Variants in TMEM200A observed in about 807,000 individuals in gnomAD.
The protein encoded by TMEM200A is two transmembrane C.
In TMEM200A, 12 loss-of-function variants were observed where a neutral mutation model predicts 24.3. The ratio of observed to expected loss-of-function variants is 0.49; its 90% CI spans 0.32 to 0.80. TMEM200A has a LOEUF of 0.80. Among genes scored for constraint, TMEM200A ranks in the 30% least tolerant of loss-of-function variants. The pLI is 0.04. For missense variants in TMEM200A, 545 were observed against 614.4 expected (o/e 0.89, Z 1.19); for synonymous variants, 224 against 224.4 (o/e 1.00, Z 0.02).
intron 2 of TMEM200A, among the ~76,000 whole-genome samples, chr6:130,431,827 G>T (rs1175316739): frequency 6.6e-6 from 1 of 152,130 alleles, no homozygotes; most frequent in African/African-American, 2.4e-5. Flanking sequence ...CAGAACAGGT[G>T]TAGATTTCTA....
rs568938120 is a variant in TMEM200A, at chr6:130,442,091, C to T, written c.*193C>T. On this transcript the variant is annotated 3_prime_UTR_variant, in exon 3 of 3. Transcript: ENST00000296978. The stretch of plus-strand genomic sequence containing the variant: ...GTGACTGCAGTACTCTATGTTACCA[C>T]ACATGATTTTATTTTTCTCTTCCTT... 2.2e-6 allele frequency: 1 copy of T among 451,730 alleles called. No individual in the cohort carries two copies. The highest frequency in any genetic ancestry group is 4.0e-6 in the Non-Finnish European group (1 of 251,652). 28.0% of individuals were successfully genotyped at this position (451,730 alleles called of 1,614,324 possible).
At position 130,409,307 on chromosome 6, in the gene TMEM200A, GTTAT is replaced by G. The variant is rs563614607; in HGVS notation, c.-17+24076_-17+24079del. Among the ~76,000 whole-genome samples the G allele has an allele frequency of 7.5e-3, 1,146 of 152,122 alleles. 6 individuals carry two copies. The highest frequency in any genetic ancestry group is 0.012 in the South Asian group (58 of 4,804). ...AAATTTCATTATTTATCTTTAAGTG[GTTAT>G]TTATGTTTTACCCTTTGAATGAGCA... On this transcript the variant is annotated intron_variant, in intron 2 of 2. Coordinates refer to ENST00000296978, the MANE Select transcript of TMEM200A (RefSeq NM_001258277.2).
At chr6:130,384,067 C>G (rs1045250638) in intron 1 of TMEM200A, among the ~76,000 whole-genome samples, 3 of 152,104 alleles carry the variant, frequency 2.0e-5, no homozygotes, top group African/African-American at 7.2e-5. Context: ...TTGCAGTAAG[C>G]TGAGATGCCA....
intron 2 of TMEM200A, among the ~76,000 whole-genome samples, chr6:130,409,839 AG>A (rs1034239973): frequency 6.8e-6 from 1 of 146,352 alleles, no homozygotes; most frequent in Non-Finnish European, 1.5e-5. Context: ...TCTGTCTCTC[AG>A]TTTTTTTTTT....
chr6:130,380,907 A>C (rs527292502), intron 1 of TMEM200A, among the ~76,000 whole-genome samples: 119 of 152,280 alleles, frequency 7.8e-4, no homozygotes, highest in African/African-American at 2.8e-3. Context: ...GGAATGTTTG[A>C]GCCCAGGAAT....
intron 2 of TMEM200A, among the ~76,000 whole-genome samples, chr6:130,440,173 AAAAAT>A (rs1252788460): frequency 6.6e-6 from 1 of 152,188 alleles, no homozygotes. Flanking sequence ...ATGTAACTGA[AAAAAT>A]AATAGAAATG....
intron 2 of TMEM200A, among the ~76,000 whole-genome samples, chr6:130,402,564 T>A (rs1779114393): frequency 6.6e-6 from 1 of 152,106 alleles, no homozygotes; most frequent in African/African-American, 2.4e-5. Flanking sequence ...ACCTTTGATA[T>A]TTCCCTTTCC....
chr6:130,441,154 C>T lies in TMEM200A; in HGVS notation c.732C>T (p.Pro244=), dbSNP rs1310732590. The T allele has an allele frequency of 6.2e-7, 1 of 1,613,852 alleles. No individual in the cohort carries two copies. Among genetic ancestry groups the T allele is most frequent in the African/African-American group, 1.3e-5 (1 of 74,884 alleles). The change falls in exon 3 of 3, where the codon CCC becomes CCT. Residue 244 remains proline (P), a synonymous_variant. Coordinates refer to ENST00000296978, the MANE Select transcript of TMEM200A (RefSeq NM_001258277.2). The part of the protein sequence containing the change: ...NEGKSSGHLM[P]PLLSDSSVSV... ...GTAAGAGTTCTGGGCATCTTATGCCCCCTTTGCTCTCTGACAGCTCTGTGT... is the reference window on the plus strand; with the variant it reads ...GTAAGAGTTCTGGGCATCTTATGCCTCCTTTGCTCTCTGACAGCTCTGTGT...
At chr6:130,390,469 C>T (rs1460235711) in intron 2 of TMEM200A, among the ~76,000 whole-genome samples, 1 of 152,204 alleles carries the variant, frequency 6.6e-6, no homozygotes, top group Non-Finnish European at 1.5e-5. Context: ...CTCTTTCTGA[C>T]TTTACAGAGT....
intron 2 of TMEM200A, among the ~76,000 whole-genome samples, chr6:130,402,780 T>C (rs989429274): frequency 6.6e-6 from 1 of 152,134 alleles, no homozygotes; most frequent in Non-Finnish European, 1.5e-5. Flanking sequence ...ATTTAAAGTA[T>C]GTATGTTAGA....
At chr6:130,432,336 A>G (rs1779898003) in intron 2 of TMEM200A, among the ~76,000 whole-genome samples, 1 of 152,192 alleles carries the variant, frequency 6.6e-6, no homozygotes, top group Non-Finnish European at 1.5e-5. Flanking sequence ...TATTGCTTTT[A>G]TGTTTGTCAC....
chr6:130,373,329 T>C (rs1167413803), intron 1 of TMEM200A, among the ~76,000 whole-genome samples: 1 of 152,182 alleles, frequency 6.6e-6, no homozygotes, highest in East Asian at 1.9e-4. Flanking sequence ...CTTAGAAAAA[T>C]ACATTAAGTA....
rs9492593 is a variant in TMEM200A at position 130,440,650 on chromosome 6, T to C, written c.228T>C (p.Ile76=). The C allele has an allele frequency of 1.0e-3, 1,687 of 1,613,808 alleles. 11 individuals carry two copies. In the African/African-American group the frequency reaches 0.02, roughly 19 times the overall value. Residue 76 remains isoleucine (I), a synonymous_variant, in exon 3 of 3, where the codon ATT becomes ATC. Coordinates refer to ENST00000296978, the MANE Select transcript of TMEM200A (RefSeq NM_001258277.2). ...ILGVLISIIG[I]AMAVLGYWPQ... ...GAGTGCTCATCTCCATTATAGGAAT[T>C]GCTATGGCCGTTCTTGGATATTGGC...
chr6:130,423,314 T>C (rs1423125225), intron 2 of TMEM200A, among the ~76,000 whole-genome samples: 1 of 152,152 alleles, frequency 6.6e-6, no homozygotes, highest in Non-Finnish European at 1.5e-5. Flanking sequence ...CATGTGTACA[T>C]GTGAAAAAGT....
At chr6:130,439,931 T>C (rs765652313) in intron 2 of TMEM200A, among the ~76,000 whole-genome samples, 4 of 152,130 alleles carry the variant, frequency 2.6e-5, no homozygotes, top group Admixed American at 1.3e-4. Flanking sequence ...ATCCTCTTTG[T>C]CAGTCTGGAG....
intron 2 of TMEM200A, among the ~76,000 whole-genome samples, chr6:130,402,565 T>G (rs546054505): frequency 2.6e-5 from 4 of 152,198 alleles, no homozygotes; most frequent in Admixed American, 2.6e-4. Context: ...CCTTTGATAT[T>G]TCCCTTTCCT....
chr6:130,429,754 G>A (rs1024406297), intron 2 of TMEM200A, among the ~76,000 whole-genome samples: 15 of 152,050 alleles, frequency 9.9e-5, no homozygotes, highest in Non-Finnish European at 2.2e-4. Context: ...ATACTGATAG[G>A]TTTAACCATA....
chr6:130,382,695 G>C (rs1429853616), intron 1 of TMEM200A, among the ~76,000 whole-genome samples: 5 of 152,004 alleles, frequency 3.3e-5, no homozygotes, highest in African/African-American at 1.2e-4. Flanking sequence ...TTTTCCTTTA[G>C]TGATTTTACC....
intron 2 of TMEM200A, chr6:130,437,537 G>A (rs990264584): frequency 6.6e-6 from 1 of 152,120 alleles, no homozygotes; most frequent in Non-Finnish European, 1.5e-5. Context: ...AGAATTAAAG[G>A]ACATTGGCAC....
Sources: gnomAD v4.1 joint callset for allele counts (sites outside exome capture counted in the v4.1 genomes callset) on GRCh38, gnomAD v4.1.1 for gene constraint, MANE v1.5 for transcripts, NCBI Gene and HGNC (gene_info 2026-07-23, HGNC 2026-07-21) for gene names.